The following CDKAL1 variants were observed in gnomAD, a reference collection of about 807,000 sequenced individuals.
The protein encoded by CDKAL1 is threonylcarbamoyladenosine tRNA methylthiotransferase.
Under a neutral mutation model 68.2 loss-of-function variants are expected in CDKAL1, and 32 were observed. The observed-to-expected ratio is 0.47, with a 90% CI of 0.35 to 0.63. The LOEUF (loss-of-function observed/expected upper bound fraction) is 0.63, where lower values mean the gene tolerates loss of function less well. CDKAL1 is among the 30% of genes least tolerant of loss of function. CDKAL1 has a pLI of 0.00. For missense variants in CDKAL1, 606 were observed against 696.7 expected (o/e 0.87, Z 1.47); for synonymous variants, 234 against 244.3 (o/e 0.96, Z 0.39).
intron 8 of CDKAL1, among the ~76,000 whole-genome samples, chr6:20,829,588 A>G (rs1340149783): frequency 3.9e-5 from 6 of 152,232 alleles, no homozygotes; most frequent in Non-Finnish European, 8.8e-5. Context: ...CTCCGGAATT[A>G]GGCAAAATCT....
intron 15 of CDKAL1, among the ~76,000 whole-genome samples, chr6:21,229,475 A>G (rs910861520): frequency 3.9e-5 from 6 of 152,134 alleles, no homozygotes; most frequent in African/African-American, 1.4e-4. Context: ...GCAAAGCACC[A>G]TTCCAGTGTC....
intron 12 of CDKAL1, among the ~76,000 whole-genome samples, chr6:21,083,567 T>C (rs1308225377): frequency 6.6e-6 from 1 of 152,216 alleles, no homozygotes; most frequent in Non-Finnish European, 1.5e-5. Flanking sequence ...AATGAGTTTC[T>C]TACATGATCA....
At chr6:20,913,492 C>T (rs1027997283) in intron 9 of CDKAL1, among the ~76,000 whole-genome samples, 13 of 152,298 alleles carry the variant, frequency 8.5e-5, no homozygotes, top group East Asian at 3.9e-4. Context: ...GGACCTACTG[C>T]GAGAAATGCA....
intron 8 of CDKAL1, among the ~76,000 whole-genome samples, chr6:20,839,458 G>A (rs1778088359): frequency 6.6e-6 from 1 of 152,184 alleles, no homozygotes; most frequent in Admixed American, 6.5e-5. Flanking sequence ...TGCATTTTAA[G>A]TGTGTTGCTC....
intron 13 of CDKAL1, among the ~76,000 whole-genome samples, chr6:21,131,103 G>C (rs577394679): frequency 3.3e-5 from 5 of 152,276 alleles, no homozygotes; most frequent in African/African-American, 1.2e-4. Flanking sequence ...GCAATATTAC[G>C]TATATGTCTG....
chr6:20,586,923 A>G (rs1254777233), intron 4 of CDKAL1, among the ~76,000 whole-genome samples: 1 of 149,288 alleles, frequency 6.7e-6, no homozygotes, highest in Non-Finnish European at 1.5e-5. Flanking sequence ...TGAATATACC[A>G]AGCATATGCT....
At chr6:20,865,166 G>A (rs1009885501) in intron 9 of CDKAL1, among the ~76,000 whole-genome samples, 2 of 152,174 alleles carry the variant, frequency 1.3e-5, no homozygotes, top group African/African-American at 4.8e-5. Flanking sequence ...GTCTGAAGAA[G>A]AGTAGTAAAA....
chr6:21,160,677 G>GTC (rs1168755736), intron 13 of CDKAL1, among the ~76,000 whole-genome samples: 3 of 140,548 alleles, frequency 2.1e-5, no homozygotes, highest in Admixed American at 2.1e-4. Context: ...GTGTGTGTGT[G>GTC]TCTGTGTCCA....
At chr6:20,819,141 C>T (rs187353878) in intron 8 of CDKAL1, among the ~76,000 whole-genome samples, 5 of 152,162 alleles carry the variant, frequency 3.3e-5, no homozygotes, top group Admixed American at 2.6e-4. Context: ...ACATAGTTAG[C>T]ATTACACAAT....
Position 21,137,914 on chromosome 6 carries a change from CA to C in CDKAL1, c.1299+29453del, listed in dbSNP as rs1188430979. On this transcript the variant is annotated intron_variant, in intron 13 of 15. Transcript: ENST00000274695. ...CCATTGTTTATAAACATTTCTAGAACAACGCTCTGTGTAGCATACGCATATG... is the reference window on the plus strand; with the variant it reads ...CCATTGTTTATAAACATTTCTAGAACACGCTCTGTGTAGCATACGCATATG... 2.0e-5 allele frequency among the ~76,000 whole-genome samples: 3 copies of C among 152,224 alleles called. No individual in the cohort carries two copies. In the East Asian group the frequency reaches 5.8e-4, roughly 29 times the overall value.
chr6:20,833,908 C>G (rs1248995217), intron 8 of CDKAL1, among the ~76,000 whole-genome samples: 1 of 152,026 alleles, frequency 6.6e-6, no homozygotes, highest in African/African-American at 2.4e-5. Context: ...TCGGCATGGT[C>G]CGGAGACCAG....
intron 5 of CDKAL1, among the ~76,000 whole-genome samples, chr6:20,701,373 C>G (rs997083580): frequency 1.3e-5 from 2 of 151,838 alleles, no homozygotes; most frequent in African/African-American, 4.8e-5. Context: ...AGTGCTGGGC[C>G]TGCACTGTAC....
At chr6:21,087,907 C>T (rs947828101) in intron 12 of CDKAL1, among the ~76,000 whole-genome samples, 4 of 152,176 alleles carry the variant, frequency 2.6e-5, no homozygotes, top group African/African-American at 9.7e-5. Flanking sequence ...AGTCAAGCCG[C>T]TTCTCTCTAA....
chr6:20,652,674 CTCT>C (rs1379860998), intron 5 of CDKAL1, among the ~76,000 whole-genome samples: 7 of 152,146 alleles, frequency 4.6e-5, no homozygotes, highest in African/African-American at 1.7e-4. Flanking sequence ...AAAAATTCTT[CTCT>C]TCTTAATTTC....
chr6:20,828,577 G>C (rs1561811554), intron 8 of CDKAL1, among the ~76,000 whole-genome samples: 1 of 152,012 alleles, frequency 6.6e-6, no homozygotes, highest in Non-Finnish European at 1.5e-5. Flanking sequence ...TATAGCTTGG[G>C]TTTCCTTGAT....
chr6:20,959,577 T>C (rs1230991105), intron 10 of CDKAL1, among the ~76,000 whole-genome samples: 1 of 151,922 alleles, frequency 6.6e-6, no homozygotes, highest in Non-Finnish European at 1.5e-5. Context: ...TTCATACTCC[T>C]GAAATGTTTA....
intron 4 of CDKAL1, among the ~76,000 whole-genome samples, chr6:20,581,173 T>C (rs1765130610): frequency 1.3e-5 from 2 of 152,240 alleles, no homozygotes; most frequent in Admixed American, 6.5e-5. Context: ...ATCCCTGATG[T>C]AGTAGATCAT....
At chr6:20,552,347 A>C (rs1178292161) in intron 4 of CDKAL1, among the ~76,000 whole-genome samples, 1 of 145,312 alleles carries the variant, frequency 6.9e-6, no homozygotes, top group Non-Finnish European at 1.5e-5. Flanking sequence ...ATCCTATCTC[A>C]AAAAAAAAAA....
chr6:21,210,120 A>T (rs1179397894), intron 15 of CDKAL1, among the ~76,000 whole-genome samples: 1 of 152,208 alleles, frequency 6.6e-6, no homozygotes, highest in African/African-American at 2.4e-5. Flanking sequence ...ATGATAAATT[A>T]TATGGTCATC....
Sources: allele counts gnomAD v4.1 joint callset (sites outside exome capture counted in the v4.1 genomes callset), GRCh38; gene constraint gnomAD v4.1.1; transcripts MANE v1.5; gene names NCBI Gene and HGNC (gene_info 2026-07-23, HGNC 2026-07-21).